The following NPAS3 variants were observed in gnomAD, a reference collection of about 807,000 sequenced individuals.
NPAS3 encodes neuronal PAS domain protein 3.
Under a neutral mutation model 73.1 loss-of-function variants are expected in NPAS3, and 14 were observed. That is an observed-to-expected ratio of 0.19 (90% confidence interval 0.13 to 0.30). NPAS3 has a LOEUF of 0.30. Ranked by LOEUF, NPAS3 falls within the 10% of genes least tolerant of loss-of-function variation. NPAS3 has a pLI of 1.00. For missense variants in NPAS3, 1,096 were observed against 1,250.0 expected, an observed-to-expected ratio of 0.88 and a Z score of 1.86; for synonymous variants, 620 against 541.5, an observed-to-expected ratio of 1.14 and a Z score of -2.01.
At chr14:33,205,147 AG>A (rs1566674946) in intron 2 of NPAS3, among the ~76,000 whole-genome samples, 5 of 152,184 alleles carry the variant, frequency 3.3e-5, no homozygotes, top group Non-Finnish European at 2.9e-5. Flanking sequence ...CAGTTCATTC[AG>A]ATTTGGATAT....
chr14:32,968,677 A>G (rs984376078), intron 1 of NPAS3, among the ~76,000 whole-genome samples: 40 of 152,166 alleles, frequency 2.6e-4, no homozygotes, highest in African/African-American at 9.2e-4. Flanking sequence ...TCTGAGGGGC[A>G]GGAATCTTGG....
At chr14:33,492,560 A>G (rs1220177414) in intron 4 of NPAS3, among the ~76,000 whole-genome samples, 3 of 152,168 alleles carry the variant, frequency 2.0e-5, no homozygotes, top group Non-Finnish European at 2.9e-5. Flanking sequence ...AGATTTCATC[A>G]AAGGACTAGT....
chr14:33,140,902 G>T (rs188363322), intron 2 of NPAS3, among the ~76,000 whole-genome samples: 1 of 152,214 alleles, frequency 6.6e-6, no homozygotes, highest in Admixed American at 6.5e-5. Context: ...AACATAATGG[G>T]GAAATCCTAA....
chr14:33,561,840 A>G (rs1203180695), intron 5 of NPAS3, among the ~76,000 whole-genome samples: 1 of 152,234 alleles, frequency 6.6e-6, no homozygotes. Context: ...AGCATCCATT[A>G]TATACTAGCT....
intron 3 of NPAS3, among the ~76,000 whole-genome samples, chr14:33,220,023 GT>G (rs559844501): frequency 2.6e-4 from 39 of 152,168 alleles, no homozygotes; most frequent in Non-Finnish European, 5.0e-4. Flanking sequence ...AAAAAACCAT[GT>G]GAGATGAAAG....
At chr14:33,656,798 G>T (rs746202916) in intron 5 of NPAS3, among the ~76,000 whole-genome samples, 10 of 152,218 alleles carry the variant, frequency 6.6e-5, no homozygotes, top group Non-Finnish European at 1.3e-4. Flanking sequence ...CTGTACATTA[G>T]ATCTCTAGAA....
chr14:32,983,030 A>AT (rs2037960593), intron 1 of NPAS3, among the ~76,000 whole-genome samples: 3 of 152,296 alleles, frequency 2.0e-5, no homozygotes, highest in Admixed American at 2.0e-4. Flanking sequence ...GAAAGGAAAA[A>AT]AAAGTTTGTT....
At chr14:33,160,643 A>T (rs1006196009) in intron 2 of NPAS3, among the ~76,000 whole-genome samples, 2 of 146,790 alleles carry the variant, frequency 1.4e-5, no homozygotes, top group Non-Finnish European at 3.0e-5. Flanking sequence ...AGTATAATTA[A>T]AAAAAAAAAA....
intron 4 of NPAS3, among the ~76,000 whole-genome samples, chr14:33,442,517 T>C (rs539758135): frequency 1.3e-5 from 2 of 152,258 alleles, no homozygotes; most frequent in South Asian, 4.1e-4. Context: ...GCATGTGTTG[T>C]GGGAGGTAAT....
intron 4 of NPAS3, among the ~76,000 whole-genome samples, chr14:33,469,315 A>AGTGT (rs1491431588): frequency 3.4e-5 from 5 of 149,246 alleles, no homozygotes; most frequent in Non-Finnish European, 7.4e-5. Context: ...AAAAAAAAAG[A>AGTGT]GTGTGTGTGT....
intron 1 of NPAS3, among the ~76,000 whole-genome samples, chr14:33,032,442 T>C (rs1449543073): frequency 6.6e-6 from 1 of 152,176 alleles, no homozygotes; most frequent in Non-Finnish European, 1.5e-5. Flanking sequence ...GGGTTATTTC[T>C]TTATGGAGCT....
chr14:33,424,572 T>G (rs891164759), intron 4 of NPAS3, among the ~76,000 whole-genome samples: 1 of 151,822 alleles, frequency 6.6e-6, no homozygotes, highest in Admixed American at 6.6e-5. Flanking sequence ...GGAGAAGGAA[T>G]GAACTTAGGA....
intron 3 of NPAS3, among the ~76,000 whole-genome samples, chr14:33,351,078 A>G (rs994858117): frequency 2.0e-5 from 3 of 152,220 alleles, no homozygotes; most frequent in South Asian, 4.1e-4. Context: ...ACTGATATAT[A>G]TGGAGGCTTT....
At chr14:33,129,116 TGTG>T (rs2043541240) in intron 2 of NPAS3, among the ~76,000 whole-genome samples, 1 of 152,044 alleles carries the variant, frequency 6.6e-6, no homozygotes, top group African/African-American at 2.4e-5. Flanking sequence ...ACTCCCTGGA[TGTG>T]GTGGTGGAAA....
At chr14:33,134,545 T>C (rs1200472196) in intron 2 of NPAS3, among the ~76,000 whole-genome samples, 1 of 152,310 alleles carries the variant, frequency 6.6e-6, no homozygotes, top group South Asian at 2.1e-4. Context: ...TATTTTAATT[T>C]AGCTTTGGAG....
At chr14:33,553,649 G>A (rs919513956) in intron 4 of NPAS3, among the ~76,000 whole-genome samples, 4 of 152,200 alleles carry the variant, frequency 2.6e-5, no homozygotes, top group Non-Finnish European at 4.4e-5. Flanking sequence ...GGAAGGAACA[G>A]AAAGCTCTTA....
At chr14:33,298,189 A>G (rs1195078350) in intron 3 of NPAS3, among the ~76,000 whole-genome samples, 1 of 152,158 alleles carries the variant, frequency 6.6e-6, no homozygotes, top group Non-Finnish European at 1.5e-5. Context: ...AGGCTGAGAC[A>G]GGAGAATGGC....
chr14:33,196,668 A>G (rs1315143125), intron 2 of NPAS3, among the ~76,000 whole-genome samples: 1 of 152,168 alleles, frequency 6.6e-6, no homozygotes, highest in Non-Finnish European at 1.5e-5. Context: ...AAGAGACATT[A>G]TTTTCCTTAT....
At chr14:33,599,233 T>C (rs988912775) in intron 5 of NPAS3, among the ~76,000 whole-genome samples, 2 of 152,228 alleles carry the variant, frequency 1.3e-5, no homozygotes, top group Non-Finnish European at 2.9e-5. Context: ...ATTTGTTACC[T>C]GAATTGTTTT....
Sources: gnomAD v4.1 joint callset for allele counts (sites outside exome capture counted in the v4.1 genomes callset) on GRCh38, gnomAD v4.1.1 for gene constraint, MANE v1.5 for transcripts, NCBI Gene and HGNC (gene_info 2026-07-23, HGNC 2026-07-21) for gene names.